Variants in STPG2 observed in about 807,000 individuals in gnomAD.
STPG2 encodes sperm-tail PG-rich repeat-containing protein 2.
In STPG2, 56 loss-of-function variants were observed where a neutral mutation model predicts 54.2. The ratio of observed to expected loss-of-function variants is 1.03; its 90% CI spans 0.83 to 1.29. The LOEUF (loss-of-function observed/expected upper bound fraction) is 1.29. STPG2 is among the 50% of genes most tolerant of loss of function. The pLI is 0.00. For missense variants in STPG2, 596 were observed against 544.9 expected, an observed-to-expected ratio of 1.09 and a Z score of -0.93; for synonymous variants, 200 against 181.8, an observed-to-expected ratio of 1.10 and a Z score of -0.81.
chr4:97,975,552 G>T (rs1393796949), intron 6 of STPG2, among the ~76,000 whole-genome samples: 1 of 152,028 alleles, frequency 6.6e-6, no homozygotes, highest in Non-Finnish European at 1.5e-5. Flanking sequence ...CTGTTCAAAA[G>T]TTTTTATCAA....
rs78437918 is a variant in STPG2, at chr4:97,740,344, G to A, written c.1205-27530C>T. ...CCTCTCACCACTCCTATTCAACATA[G>A]TGTTGGAAGTTCTGGCCAGGGAATT... On this transcript the variant is annotated intron_variant, in intron 9 of 10. Transcript: ENST00000295268. Among the ~76,000 whole-genome samples, 12 of 152,106 alleles carry A rather than the reference G, an allele frequency of 7.9e-5. No homozygotes were observed. In the South Asian group the frequency reaches 2.3e-3, roughly 29 times the overall value.
intron 10 of STPG2, among the ~76,000 whole-genome samples, chr4:97,634,387 G>A (rs1308632727): frequency 6.6e-6 from 1 of 152,014 alleles, no homozygotes; most frequent in Non-Finnish European, 1.5e-5. Context: ...CCACAAAGAT[G>A]GGGAAAAAAC....
At chr4:98,113,411 C>T (rs910634326) in intron 3 of STPG2, among the ~76,000 whole-genome samples, 14 of 152,084 alleles carry the variant, frequency 9.2e-5, no homozygotes, top group African/African-American at 3.1e-4. Context: ...AACATTATTG[C>T]AACTCTCTTT....
intron 9 of STPG2, among the ~76,000 whole-genome samples, chr4:97,739,043 C>T (rs1051826620): frequency 6.6e-6 from 1 of 151,784 alleles, no homozygotes; most frequent in Non-Finnish European, 1.5e-5. Flanking sequence ...CAAACTAGAA[C>T]TCAGGATTAA....
chr4:97,671,761 A>G (rs1449165425), intron 10 of STPG2, among the ~76,000 whole-genome samples: 1 of 152,160 alleles, frequency 6.6e-6, no homozygotes, highest in Non-Finnish European at 1.5e-5. Context: ...CTGTGCTTCA[A>G]GTTCAACTCT....
intron 9 of STPG2, among the ~76,000 whole-genome samples, chr4:97,720,219 A>T (rs1266727745): frequency 6.6e-6 from 1 of 151,928 alleles, no homozygotes; most frequent in Non-Finnish European, 1.5e-5. Context: ...AATTCTCTAA[A>T]TCATGCTCAC....
In STPG2 at chr4:98,008,696, G is replaced by GT. The variant is rs1484993837; in HGVS notation, c.613-27379dup. 4.0e-5 allele frequency among the ~76,000 whole-genome samples: 6 copies of GT among 151,670 alleles called. No homozygotes were observed. In the East Asian group the frequency reaches 1.2e-3, roughly 29 times the overall value. Reference sequence around the variant, plus strand: ...AAAAAAGACTCCACAAAACAACTAGGTAACAACATTATGAGAGGAATAAAG... The same window carrying GT: ...AAAAAAGACTCCACAAAACAACTAGGTTAACAACATTATGAGAGGAATAAAG... On this transcript the variant is annotated intron_variant, in intron 5 of 10. Coordinates refer to ENST00000295268, the MANE Select transcript of STPG2 (RefSeq NM_174952.3).
At chr4:97,909,388 A>G (rs1466895810) in intron 8 of STPG2, among the ~76,000 whole-genome samples, 1 of 152,202 alleles carries the variant, frequency 6.6e-6, no homozygotes, top group African/African-American at 2.4e-5. Context: ...TGGTTACACC[A>G]GTAAATTCAA....
rs184171035 is a variant in STPG2 at position 97,599,249 on chromosome 4, T to C, written c.1321-40132A>G. ...TATTAAAAAGTCAAAAAATAAGAGA[T>C]GCTGGCAAGGTTGCAGAGAAAAGGC... On this transcript the variant is annotated intron_variant, in intron 10 of 10. Transcript: ENST00000295268. Among the ~76,000 whole-genome samples, 452 of 152,274 alleles carry C rather than the reference T, an allele frequency of 3.0e-3. 2 individuals carry two copies. Among genetic ancestry groups the C allele is most frequent in the African/African-American group, 0.011 (437 of 41,546 alleles).
chr4:97,818,337 A>G (rs185787351), intron 9 of STPG2, among the ~76,000 whole-genome samples: 67 of 152,088 alleles, frequency 4.4e-4, no homozygotes, highest in Non-Finnish European at 7.4e-4. Context: ...ATATATACAT[A>G]TCCATAATAA....
In STPG2 at chr4:97,925,360, G is replaced by T. The variant is rs542247680; in HGVS notation, c.1044+18537C>A. Among the ~76,000 whole-genome samples the T allele has an allele frequency of 2.5e-3, 387 of 152,252 alleles. 3 individuals are homozygous for T. The highest frequency in any genetic ancestry group is 8.7e-3 in the African/African-American group (363 of 41,564). Reference sequence around the variant, plus strand: ...TGTTTGCTTATCAAACCCATTTTCTGAGCTAATGAAGTTAGACAATTAAAT... The same window carrying T: ...TGTTTGCTTATCAAACCCATTTTCTTAGCTAATGAAGTTAGACAATTAAAT... On this transcript the variant is annotated intron_variant, in intron 8 of 10. Coordinates refer to ENST00000295268, the MANE Select transcript of STPG2 (RefSeq NM_174952.3).
At chr4:97,913,503 G>A (rs984257303) in intron 8 of STPG2, among the ~76,000 whole-genome samples, 1 of 152,100 alleles carries the variant, frequency 6.6e-6, no homozygotes, top group Admixed American at 6.6e-5. Flanking sequence ...TAACTTATTG[G>A]GTTCCTAACC....
chr4:97,588,923 C>G (rs1406299576), intron 10 of STPG2, among the ~76,000 whole-genome samples: 2 of 152,016 alleles, frequency 1.3e-5, no homozygotes, highest in African/African-American at 4.8e-5. Flanking sequence ...TTTTACATAA[C>G]CCACACAAAA....
chr4:97,546,733 T>C, intron 4 of STPG2, among the ~76,000 whole-genome samples: 1 of 152,280 alleles, frequency 6.6e-6, no homozygotes, highest in African/African-American at 2.4e-5. Flanking sequence ...TAAATAGATA[T>C]CATTGAAAAG....
At chr4:97,792,079 C>G (rs895315741) in intron 9 of STPG2, among the ~76,000 whole-genome samples, 5 of 152,068 alleles carry the variant, frequency 3.3e-5, no homozygotes, top group African/African-American at 9.7e-5. Context: ...TAATGGAAGT[C>G]TGAAATCAGT....
At chr4:97,758,778 C>T (rs1399703507) in intron 9 of STPG2, among the ~76,000 whole-genome samples, 2 of 151,848 alleles carry the variant, frequency 1.3e-5, no homozygotes, top group African/African-American at 4.8e-5. Flanking sequence ...TATCCCAGAA[C>T]TTAAAGTAAA....
chr4:97,665,850 C>T (rs901494371), intron 10 of STPG2, among the ~76,000 whole-genome samples: 1 of 152,116 alleles, frequency 6.6e-6, no homozygotes, highest in Admixed American at 6.5e-5. Context: ...GTTATCACTG[C>T]CCTGAGCACA....
At chr4:97,595,594 A>G (rs1454496455) in intron 10 of STPG2, among the ~76,000 whole-genome samples, 1 of 152,128 alleles carries the variant, frequency 6.6e-6, no homozygotes, top group Non-Finnish European at 1.5e-5. Context: ...AACTTAAAGT[A>G]TAATAAAAAT....
intron 9 of STPG2, among the ~76,000 whole-genome samples, chr4:97,737,577 G>T (rs550184855): frequency 2.6e-4 from 39 of 152,298 alleles, no homozygotes; most frequent in African/African-American, 8.9e-4. Context: ...GAAGCCTCAG[G>T]AGCTGATGTG....
Sources: allele counts gnomAD v4.1 joint callset (sites outside exome capture counted in the v4.1 genomes callset), GRCh38; gene constraint gnomAD v4.1.1; transcripts MANE v1.5; gene names NCBI Gene and HGNC (gene_info 2026-07-23, HGNC 2026-07-21).